The following SYT16 variants were observed in gnomAD, a reference collection of about 807,000 sequenced individuals.
SYT16 encodes the protein synaptotagmin-16.
A neutral mutation model predicts 61.4 loss-of-function variants in SYT16; 42 were observed. The observed-to-expected ratio is 0.68, with a 90% confidence interval of 0.53 to 0.89. The LOEUF is 0.89. Among genes scored for constraint, SYT16 ranks in the 40% least tolerant of loss-of-function variants. SYT16 has a pLI of 0.00. For synonymous variants in SYT16, 314 were observed against 302.3 expected, an observed-to-expected ratio of 1.04 and a Z score of -0.40; for missense variants, 804 against 807.3, an observed-to-expected ratio of 1.00 and a Z score of 0.05.
intron 1 of SYT16, among the ~76,000 whole-genome samples, chr14:61,925,097 T>C (rs2049483129): frequency 1.3e-5 from 2 of 152,240 alleles, no homozygotes; most frequent in South Asian, 2.1e-4. Context: ...GCCATTGGCA[T>C]AGCTAAATGC....
At chr14:61,903,084 G>A (rs1349535790) in intron 1 of SYT16, among the ~76,000 whole-genome samples, 1 of 152,134 alleles carries the variant, frequency 6.6e-6, no homozygotes, top group African/African-American at 2.4e-5. Context: ...TAGTCCTATA[G>A]TGTTCTCCCT....
chr14:61,947,267 C>CGTGTGTGTGTGTGTGTGTGT lies in SYT16; in HGVS notation c.-324-22840_-324-22821dup, dbSNP rs59798244. On this transcript the variant is annotated intron_variant, in intron 1 of 7. Transcript: ENST00000683842. ...CTTTTGGCCTCTGACTTTAGTCCTT[C>CGTGTGTGTGTGTGTGTGTGT]GTGTGTGTGTGTGTGTGTGTGTGTG... Among the ~76,000 whole-genome samples, 39 of 125,912 alleles carry CGTGTGTGTGTGTGTGTGTGT rather than the reference C, an allele frequency of 3.1e-4. 1 individual carries two copies. Among genetic ancestry groups the CGTGTGTGTGTGTGTGTGTGT allele is most frequent in the East Asian group, 1.2e-3 (5 of 4,226 alleles). The allele number at this position is 125,912 out of a possible 152,430, so 82.6% of individuals were successfully genotyped here.
chr14:61,813,304 T>C (rs1207927288), intron 1 of SYT16, among the ~76,000 whole-genome samples: 1 of 152,160 alleles, frequency 6.6e-6, no homozygotes, highest in Non-Finnish European at 1.5e-5. Context: ...GGAGACCGCA[T>C]CTGGTTACCA....
chr14:61,859,939 G>T (rs890476446), intron 1 of SYT16, among the ~76,000 whole-genome samples: 1 of 152,138 alleles, frequency 6.6e-6, no homozygotes. Context: ...AAAACAAAAA[G>T]ATGTGGATAA....
chr14:62,076,695 A>G (rs969272824), intron 5 of SYT16, among the ~76,000 whole-genome samples: 30 of 152,254 alleles, frequency 2.0e-4, no homozygotes, highest in African/African-American at 6.0e-4. Context: ...AACTCTGCTT[A>G]CCCGTTAGTT....
At chr14:61,813,419 C>T (rs2045329475) in intron 1 of SYT16, among the ~76,000 whole-genome samples, 1 of 152,198 alleles carries the variant, frequency 6.6e-6, no homozygotes, top group Non-Finnish European at 1.5e-5. Flanking sequence ...GGCACCGCTG[C>T]TCTTATGGCT....
intron 1 of SYT16, among the ~76,000 whole-genome samples, chr14:61,945,714 G>A (rs1335886669): frequency 6.6e-6 from 1 of 151,868 alleles, no homozygotes; most frequent in Non-Finnish European, 1.5e-5. Context: ...AAATTAGCCG[G>A]GCGTGGTGGC....
intron 3 of SYT16, among the ~76,000 whole-genome samples, chr14:62,053,000 T>C (rs1199617569): frequency 3.9e-5 from 6 of 152,220 alleles, no homozygotes; most frequent in African/African-American, 1.4e-4. Flanking sequence ...TCTACAAATG[T>C]GAAGGCAGCT....
At chr14:62,097,983 AC>A (rs1477643917) in intron 7 of SYT16, among the ~76,000 whole-genome samples, 1 of 152,184 alleles carries the variant, frequency 6.6e-6, no homozygotes, top group East Asian at 1.9e-4. Context: ...TTTCTGTAGA[AC>A]AGTTTGAAGA....
At chr14:61,867,024 C>T (rs750882062) in intron 1 of SYT16, among the ~76,000 whole-genome samples, 27 of 151,788 alleles carry the variant, frequency 1.8e-4, no homozygotes, top group African/African-American at 5.8e-4. Context: ...TTCCCGGTTG[C>T]ATTATCTAGG....
chr14:62,087,447 C>T (rs2056924185), intron 7 of SYT16, among the ~76,000 whole-genome samples: 1 of 152,184 alleles, frequency 6.6e-6, no homozygotes, highest in Admixed American at 6.5e-5. Context: ...GGCTCAGGTG[C>T]AGTTACCTCT....
At chr14:61,882,784 A>G (rs1019723610) in intron 1 of SYT16, among the ~76,000 whole-genome samples, 5 of 152,248 alleles carry the variant, frequency 3.3e-5, no homozygotes, top group African/African-American at 1.2e-4. Context: ...GTTACTTTCT[A>G]GATACAATGG....
Position 61,853,810 on chromosome 14 carries a change from G to A in SYT16, c.-325+41000G>A, listed in dbSNP as rs980594486. Among the ~76,000 whole-genome samples, 4 of 152,298 alleles carry A rather than the reference G, an allele frequency of 2.6e-5. No individual in the cohort carries two copies. In the East Asian group the frequency reaches 7.7e-4, roughly 29 times the overall value. On this transcript the variant is annotated intron_variant, in intron 1 of 7. Coordinates refer to ENST00000683842, the MANE Select transcript of SYT16 (RefSeq NM_001367656.1). ...GAAGGAGCTTCTCGGGGAAATAGTA[G>A]TGGGAGCACAATTTATTATTGGAGG...
At chr14:62,091,952 G>T (rs2057091475) in intron 7 of SYT16, among the ~76,000 whole-genome samples, 1 of 151,984 alleles carries the variant, frequency 6.6e-6, no homozygotes, top group Non-Finnish European at 1.5e-5. Flanking sequence ...TTATATATCT[G>T]ATAACAAACT....
intron 1 of SYT16, among the ~76,000 whole-genome samples, chr14:61,844,530 A>G (rs1472665416): frequency 1.3e-5 from 2 of 152,122 alleles, no homozygotes; most frequent in African/African-American, 2.4e-5. Context: ...TCTGTTATAT[A>G]TGGCTTTTAT....
At chr14:62,074,335 G>T (rs770930448) in intron 4 of SYT16, among the ~76,000 whole-genome samples, 23 of 152,136 alleles carry the variant, frequency 1.5e-4, no homozygotes, top group Non-Finnish European at 3.1e-4. Flanking sequence ...CACAGGGAGG[G>T]TTTGAGGGGC....
intron 1 of SYT16, among the ~76,000 whole-genome samples, chr14:61,895,442 A>G (rs1177801149): frequency 6.6e-6 from 1 of 152,098 alleles, no homozygotes. Flanking sequence ...TATTCATTGA[A>G]TCTTTTTCTT....
chr14:61,971,509 C>T (rs571163364), intron 2 of SYT16, among the ~76,000 whole-genome samples: 4 of 152,276 alleles, frequency 2.6e-5, no homozygotes, highest in Non-Finnish European at 5.9e-5. Context: ...GCTGGCTTTC[C>T]CTGGAGTGAG....
chr14:61,894,327 G>A lies in SYT16; in HGVS notation c.-324-75805G>A, dbSNP rs1301431097. ...AAAAAAGCCTGTTCATTAGGTTCTC[G>A]GTTCTCTCTCCGTACCCACCCCCTG... On this transcript the variant is annotated intron_variant, in intron 1 of 7. Coordinates refer to ENST00000683842, the MANE Select transcript of SYT16 (RefSeq NM_001367656.1). Among the ~76,000 whole-genome samples the A allele has an allele frequency of 4.0e-5, 6 of 150,202 alleles. No homozygotes were observed. In the South Asian group the frequency reaches 6.3e-4, roughly 16 times the overall value.
Sources: gnomAD v4.1 joint callset for allele counts (sites outside exome capture counted in the v4.1 genomes callset) on GRCh38, gnomAD v4.1.1 for gene constraint, MANE v1.5 for transcripts, NCBI Gene and HGNC (gene_info 2026-07-23, HGNC 2026-07-21) for gene names.